IFT43: variants seen among roughly 807,000 people sequenced by gnomAD.
IFT43 encodes the protein intraflagellar transport protein 43 homolog.
A neutral mutation model predicts 32.3 loss-of-function variants in IFT43; 33 were observed. The observed-to-expected ratio is 1.02, with a 90% CI of 0.77 to 1.37. The LOEUF is 1.37. Ranked by LOEUF, IFT43 falls within the 40% of genes most tolerant of loss-of-function variation. The probability of loss-of-function intolerance (pLI) is 0.00; values close to 1 mark genes in which losing one functional copy is unlikely to be tolerated. For synonymous variants in IFT43, 93 were observed against 98.2 expected, an observed-to-expected ratio of 0.95 and a Z score of 0.31; for missense variants, 274 against 265.9, an observed-to-expected ratio of 1.03 and a Z score of -0.21.
rs372380179 is a variant in IFT43 at position 76,019,191 on chromosome 14, A to T, written c.148-3136A>T. ...TGTATCTGTTCTACTAGTGAGTTTT[A>T]TACTGTCTTGTGTTTTCATGATGGT... On this transcript the variant is annotated intron_variant, in intron 2 of 8. Transcript: ENST00000314067. Among the ~76,000 whole-genome samples, 189 of 151,758 alleles carry T rather than the reference A, an allele frequency of 1.2e-3. 5 individuals carry two copies. In the South Asian group the frequency reaches 0.037, roughly 30 times the overall value.
rs183135007 is a variant in IFT43, at chr14:76,021,309, A to G, written c.148-1018A>G. On this transcript the variant is annotated intron_variant, in intron 2 of 8. Transcript: ENST00000314067. ...TCTTGAGTAGATTTTTAATCCACCC[A>G]CCAATTTAGTTTATCTCTTCTAAGC... Among the ~76,000 whole-genome samples, 1,010 of 152,200 alleles carry G rather than the reference A, an allele frequency of 6.6e-3. 9 individuals are homozygous for G. The highest frequency in any genetic ancestry group is 0.02 in the South Asian group (96 of 4,818).
Position 76,022,353 on chromosome 14 carries a change from C to T in IFT43, c.174C>T (p.Cys58=), listed in dbSNP as rs768619837. The T allele has an allele frequency of 3.1e-6, 5 of 1,612,966 alleles. No individual in the cohort carries two copies. The African/African-American group carries it at 4.0e-5, about 13-fold the overall frequency. The change falls in exon 3 of 9, where the codon TGC becomes TGT. Residue 58 remains cysteine, a synonymous_variant. Coordinates refer to ENST00000314067, the MANE Select transcript of IFT43 (RefSeq NM_001102564.3). ...CTTCCTCTGCTAAATTACCTCGCTGCCGACAGGGAGGCTGGGCAGGTGATT... is the reference window on the plus strand; with the variant it reads ...CTTCCTCTGCTAAATTACCTCGCTGTCGACAGGGAGGCTGGGCAGGTGATT... ...GETSSAKLPR[C]RQGGWAGDSV...
intron 5 of IFT43, among the ~76,000 whole-genome samples, chr14:76,060,800 T>A (rs1436693944): frequency 6.6e-6 from 1 of 150,376 alleles, no homozygotes; most frequent in East Asian, 2.0e-4. Flanking sequence ...CTTCTTTCTT[T>A]CTTCCCTCCC....
intron 3 of IFT43, among the ~76,000 whole-genome samples, chr14:76,054,271 C>G (rs988366839): frequency 5.3e-5 from 8 of 152,214 alleles, no homozygotes; most frequent in Non-Finnish European, 1.0e-4. Context: ...TCTCCAGCTT[C>G]CAATTTGCTG....
At chr14:76,061,668 T>C (rs2037137465) in intron 5 of IFT43, among the ~76,000 whole-genome samples, 1 of 152,232 alleles carries the variant, frequency 6.6e-6, no homozygotes, top group Admixed American at 6.5e-5. Context: ...GGTTTCCTTT[T>C]GTATATCTTC....
At chr14:76,043,584 T>G (rs1332155065) in intron 3 of IFT43, among the ~76,000 whole-genome samples, 1 of 152,130 alleles carries the variant, frequency 6.6e-6, no homozygotes, top group African/African-American at 2.4e-5. Flanking sequence ...CTTTTTGACA[T>G]GGGACAACCT....
intron 3 of IFT43, among the ~76,000 whole-genome samples, chr14:76,028,084 A>G (rs548980992): frequency 9.9e-5 from 15 of 152,224 alleles, no homozygotes; most frequent in Middle Eastern, 6.8e-3. Context: ...ACAGGTGATC[A>G]TGTGTCCTTA....
chr14:76,017,079 T>C (rs2036202228), intron 2 of IFT43, among the ~76,000 whole-genome samples: 1 of 152,198 alleles, frequency 6.6e-6, no homozygotes, highest in Admixed American at 6.5e-5. Context: ...TCCAGGACTA[T>C]GTTAAATAAA....
chr14:76,083,745 T>C (rs1388091487), downstream of IFT43: 1 of 731,134 alleles, frequency 1.4e-6, no homozygotes, highest in Non-Finnish European at 2.4e-6. Context: ...CTGTGCCATC[T>C]CCTCCATTTC....
At chr14:76,029,892 T>TTTTATTTTATTTTATTTTATTTTAG (rs2036476045) in intron 3 of IFT43, among the ~76,000 whole-genome samples, 1 of 147,118 alleles carries the variant, frequency 6.8e-6, no homozygotes, top group African/African-American at 2.6e-5. Context: ...TTTTATTTTA[T>TTTTATTTTATTTTATTTTATTTTAG]TTTATTTGAG....
chr14:76,057,917 G>T (rs1468531089), intron 3 of IFT43, among the ~76,000 whole-genome samples: 1 of 152,174 alleles, frequency 6.6e-6, no homozygotes, highest in Non-Finnish European at 1.5e-5. Context: ...CTTCACATCA[G>T]TGTTTCTCAG....
At chr14:76,062,935 A>AAAAAAAAAG (rs2037167001) in intron 5 of IFT43, among the ~76,000 whole-genome samples, 1 of 149,252 alleles carries the variant, frequency 6.7e-6, no homozygotes, top group Admixed American at 7.0e-5. Flanking sequence ...AAAAAAAAAA[A>AAAAAAAAAG]AAAAAAGAAA....
intron 2 of IFT43, among the ~76,000 whole-genome samples, chr14:76,001,523 AG>A: frequency 6.6e-6 from 1 of 152,170 alleles, no homozygotes; most frequent in Non-Finnish European, 1.5e-5. Context: ...GACCCTGCTG[AG>A]GGAAGGCAGA....
intron 3 of IFT43, among the ~76,000 whole-genome samples, chr14:76,033,361 A>G (rs1369568352): frequency 6.6e-6 from 1 of 152,222 alleles, no homozygotes; most frequent in East Asian, 1.9e-4. Flanking sequence ...GAGGGATAGA[A>G]TAAGACCTTC....
chr14:76,004,318 T>C (rs1012347218), intron 2 of IFT43, among the ~76,000 whole-genome samples: 2 of 152,202 alleles, frequency 1.3e-5, no homozygotes, highest in Non-Finnish European at 2.9e-5. Flanking sequence ...TATATTGATA[T>C]GGAATTCCAG....
chr14:76,069,194 G>A (rs1004546845), intron 5 of IFT43, among the ~76,000 whole-genome samples: 1 of 152,154 alleles, frequency 6.6e-6, no homozygotes, highest in Non-Finnish European at 1.5e-5. Flanking sequence ...GCGAAAGCAG[G>A]AGCAAGAGAG....
chr14:76,081,053 A>G (rs948113236), intron 5 of IFT43, among the ~76,000 whole-genome samples: 8 of 151,676 alleles, frequency 5.3e-5, no homozygotes, highest in Non-Finnish European at 1.0e-4. Flanking sequence ...TCTCCTTTGC[A>G]TGCTCTCTTT....
intron 5 of IFT43, among the ~76,000 whole-genome samples, chr14:76,071,371 A>G (rs918434065): frequency 3.3e-5 from 5 of 152,224 alleles, no homozygotes; most frequent in Non-Finnish European, 2.9e-5. Flanking sequence ...TTCTAAGGAG[A>G]CACAGTGATT....
At chr14:75,999,281 A>ATATTTTTTTTTTTTT in intron 2 of IFT43, among the ~76,000 whole-genome samples, 1 of 39,064 alleles carries the variant, frequency 2.6e-5, no homozygotes, top group African/African-American at 1.2e-4. Context: ...ATGTATATAT[A>ATATTTTTTTTTTTTT]TTTTTTTTTT....
Sources: allele counts gnomAD v4.1 joint callset (sites outside exome capture counted in the v4.1 genomes callset), GRCh38; gene constraint gnomAD v4.1.1; transcripts MANE v1.5; gene names NCBI Gene and HGNC (gene_info 2026-07-23, HGNC 2026-07-21).